Variants in GPBP1L1 observed in about 807,000 individuals in gnomAD.
GPBP1L1 encodes GC-rich promoter binding protein 1 like 1.
In GPBP1L1, 23 loss-of-function variants were observed where a neutral mutation model predicts 52.5. That is an observed-to-expected ratio of 0.44 (90% CI 0.32 to 0.62). GPBP1L1 has a LOEUF of 0.62. Ranked by LOEUF, GPBP1L1 falls within the 20% of genes least tolerant of loss-of-function variation. GPBP1L1 has a pLI of 0.06. For synonymous variants in GPBP1L1, 243 were observed against 203.1 expected (o/e 1.20, Z -1.67); for missense variants, 596 against 579.3 (o/e 1.03, Z -0.30).
At chr1:45,677,773 A>C (rs945300036) in intron 2 of GPBP1L1, among the ~76,000 whole-genome samples, 2 of 152,210 alleles carry the variant, frequency 1.3e-5, no homozygotes, top group Non-Finnish European at 2.9e-5. Flanking sequence ...ACTAATTCAT[A>C]CTCTTAAAAC....
At chr1:45,632,765 A>C (rs751972524) in intron 10 of GPBP1L1, among the ~76,000 whole-genome samples, 10 of 152,178 alleles carry the variant, frequency 6.6e-5, no homozygotes, top group Non-Finnish European at 1.2e-4. Context: ...AGACTTGGAG[A>C]AACTGTAGTC....
chr1:45,647,658 A>G (rs936595418), intron 6 of GPBP1L1, among the ~76,000 whole-genome samples: 2 of 152,180 alleles, frequency 1.3e-5, no homozygotes, highest in Non-Finnish European at 2.9e-5. Context: ...GTTCTGACAT[A>G]TAAGTGAGCT....
intron 6 of GPBP1L1, among the ~76,000 whole-genome samples, chr1:45,643,932 G>A (rs1471927554): frequency 1.3e-5 from 2 of 152,052 alleles, no homozygotes; most frequent in Non-Finnish European, 2.9e-5. Context: ...CTCCCAAAGT[G>A]CTGAGATTAC....
rs4512690 is a variant in GPBP1L1 at position 45,630,884 on chromosome 1, G to A, written c.1045-278C>T. Reference sequence around the variant, plus strand: ...CCTGACATCAAGACTTACCACAAAAGCTGGAGTAATTAAAACAGTATGGTA... The same window carrying A: ...CCTGACATCAAGACTTACCACAAAAACTGGAGTAATTAAAACAGTATGGTA... On this transcript the variant is annotated intron_variant, in intron 10 of 12. Transcript: ENST00000355105. 460 of 380,350 alleles carry A rather than the reference G, an allele frequency of 1.2e-3. 2 individuals are homozygous for A. The East Asian group carries it at 0.018, about 15-fold the overall frequency. 23.6% of individuals were successfully genotyped at this position (380,350 alleles called of 1,614,324 possible).
chr1:45,629,705 G>C, intron 11 of GPBP1L1, 27 bp from the exon 12 acceptor site: 1 of 1,421,050 alleles, frequency 7.0e-7, no homozygotes, highest in Non-Finnish European at 1.0e-6. Context: ...GACAGGTAAA[G>C]AGAATACAAC....
At chr1:45,645,289 T>C (rs553917736) in intron 6 of GPBP1L1, among the ~76,000 whole-genome samples, 32 of 152,182 alleles carry the variant, frequency 2.1e-4, no homozygotes, top group Non-Finnish European at 3.8e-4. Flanking sequence ...GAAGTATGTA[T>C]TTTTCACTCC....
chr1:45,650,096 T>C (rs1156746192), intron 6 of GPBP1L1, among the ~76,000 whole-genome samples: 2 of 152,158 alleles, frequency 1.3e-5, no homozygotes, highest in Non-Finnish European at 2.9e-5. Context: ...TAAAGGGAGC[T>C]CTGCTTTTAC....
chr1:45,683,904 AGAGT>A (rs1035769110), intron 2 of GPBP1L1, among the ~76,000 whole-genome samples: 5 of 151,818 alleles, frequency 3.3e-5, no homozygotes, highest in Admixed American at 1.3e-4. Flanking sequence ...TCTGGGTGAC[AGAGT>A]GAGACCCCGT....
At chr1:45,661,599 G>T (rs1009795851) in intron 2 of GPBP1L1, among the ~76,000 whole-genome samples, 2 of 152,072 alleles carry the variant, frequency 1.3e-5, no homozygotes, top group Admixed American at 6.6e-5. Flanking sequence ...GGGATTACAG[G>T]TGTGCACTAC....
At chr1:45,675,831 G>A (rs1171225745) in intron 2 of GPBP1L1, among the ~76,000 whole-genome samples, 1 of 152,158 alleles carries the variant, frequency 6.6e-6, no homozygotes, top group African/African-American at 2.4e-5. Context: ...ATGAGCCACT[G>A]TACCCAGCCT....
In GPBP1L1 at chr1:45,659,120, G is replaced by A; in HGVS notation, c.-33C>T. ...CAGTGTCTCCTTTCAGTAAGGTGAGGCATCCAACCTCATGGCCAGGATCTG... is the reference window on the plus strand; with the variant it reads ...CAGTGTCTCCTTTCAGTAAGGTGAGACATCCAACCTCATGGCCAGGATCTG... On this transcript the variant is annotated 5_prime_UTR_variant, in exon 4 of 13. Transcript: ENST00000355105. The A allele has an allele frequency of 6.2e-7, 1 of 1,611,346 alleles. No homozygotes were observed. The highest frequency in any genetic ancestry group is 2.2e-5 in the East Asian group (1 of 44,856).
chr1:45,632,327 T>C (rs1266331689), intron 10 of GPBP1L1, among the ~76,000 whole-genome samples: 4 of 151,356 alleles, frequency 2.6e-5, no homozygotes, highest in Non-Finnish European at 4.4e-5. Flanking sequence ...TGCTTGAACC[T>C]GGAAGGCGGT....
At chr1:45,664,217 G>A (rs1187656611) in intron 2 of GPBP1L1, among the ~76,000 whole-genome samples, 2 of 152,182 alleles carry the variant, frequency 1.3e-5, no homozygotes, top group Non-Finnish European at 2.9e-5. Context: ...CTACTCGGGA[G>A]GCTGAGTCAG....
Position 45,634,245 on chromosome 1 carries a change from G to C in GPBP1L1, c.745-9C>G. ...GCTTTCCATGCATTAGGCTACACAG[G>C]GTGAAAGAACAAATCAGTCAGAACA... On this transcript the variant is annotated splice_polypyrimidine_tract_variant and intron_variant, in intron 8 of 12. Transcript: ENST00000355105. The C allele has an allele frequency of 6.3e-7, 1 of 1,599,380 alleles. No individual in the cohort carries two copies. The highest frequency in any genetic ancestry group is 1.1e-5 in the South Asian group (1 of 89,704).
At chr1:45,659,316 T>C (rs1377439266) in intron 3 of GPBP1L1, among the ~76,000 whole-genome samples, 174 bp from the exon 4 acceptor site, 4 of 152,208 alleles carry the variant, frequency 2.6e-5, no homozygotes, top group African/African-American at 9.6e-5. Flanking sequence ...AAAGCAATTT[T>C]TGTTAAAACA....
rs764606358 is a variant in GPBP1L1, at chr1:45,683,203, C to CTTT, written c.-1098+2370_-1098+2372dup. On this transcript the variant is annotated intron_variant, in intron 2 of 12. Coordinates refer to ENST00000355105, the MANE Select transcript of GPBP1L1 (RefSeq NM_021639.5). ...AGATTGCCTAAATTTGAATATAGGC[C>CTTT]TTTTTTTTTTTTTTTTTTTTTTTTT... is the stretch of plus-strand genomic sequence containing the variant. Among the ~76,000 whole-genome samples, 71 of 83,784 alleles carry CTTT rather than the reference C, an allele frequency of 8.5e-4. 5 individuals are homozygous for CTTT. The highest frequency in any genetic ancestry group is 2.7e-3 in the African/African-American group (51 of 18,812). The allele number at this position is 83,784 out of a possible 152,430, so 55.0% of individuals were successfully genotyped here. A position where few individuals can be genotyped will look rare whatever the true frequency, so the allele number is the denominator to read the frequency against.
intron 6 of GPBP1L1, among the ~76,000 whole-genome samples, chr1:45,653,552 A>G (rs1192012626): frequency 6.6e-6 from 1 of 151,868 alleles, no homozygotes; most frequent in Non-Finnish European, 1.5e-5. Context: ...AGAGACAAGG[A>G]TCTTGCTGTG....
intron 2 of GPBP1L1, among the ~76,000 whole-genome samples, chr1:45,664,058 C>T (rs780052754): frequency 3.9e-5 from 6 of 151,904 alleles, no homozygotes; most frequent in Admixed American, 6.6e-5. Context: ...TTGGGCCAGG[C>T]GCGGTGGCTC....
At chr1:45,644,636 A>G (rs1225000371) in intron 6 of GPBP1L1, among the ~76,000 whole-genome samples, 1 of 152,022 alleles carries the variant, frequency 6.6e-6, no homozygotes, top group African/African-American at 2.4e-5. Context: ...CTTTTAATCT[A>G]CTAGTTTTTA....
Sources: allele counts gnomAD v4.1 joint callset (sites outside exome capture counted in the v4.1 genomes callset), GRCh38; gene constraint gnomAD v4.1.1; transcripts MANE v1.5; gene names NCBI Gene and HGNC (gene_info 2026-07-23, HGNC 2026-07-21).